METTL24: variants seen among roughly 807,000 people sequenced by gnomAD.
METTL24 encodes the protein probable methyltransferase-like protein 24.
A neutral mutation model predicts 32.7 loss-of-function variants in METTL24; 29 were observed. The ratio of observed to expected loss-of-function variants is 0.89; its 90% CI spans 0.66 to 1.21. The LOEUF is 1.21. Ranked by LOEUF, METTL24 falls within the 50% of genes most tolerant of loss-of-function variation. METTL24 has a pLI of 0.00. For missense variants in METTL24, 439 were observed against 468.1 expected, an observed-to-expected ratio of 0.94 and a Z score of 0.57; for synonymous variants, 163 against 179.5, an observed-to-expected ratio of 0.91 and a Z score of 0.73.
intron 4 of METTL24, among the ~76,000 whole-genome samples, chr6:110,284,997 C>A (rs1771195626): frequency 6.6e-6 from 1 of 152,202 alleles, no homozygotes; most frequent in African/African-American, 2.4e-5. Flanking sequence ...TGTTATGAAG[C>A]TGCATCATGT....
rs150827826 is a variant in METTL24 at position 110,291,501 on chromosome 6, T to C, written c.786+7421A>G. On this transcript the variant is annotated intron_variant, in intron 4 of 4. Coordinates refer to ENST00000338882, the MANE Select transcript of METTL24 (RefSeq NM_001123364.3). ...GATGCCTTTATAAAAATCAATTAAT[T>C]ATATACGTGTTTCTCTTTTTTTTCT... Among the ~76,000 whole-genome samples, 4 of 152,302 alleles carry C rather than the reference T, an allele frequency of 2.6e-5. No homozygotes were observed. The East Asian group carries it at 5.8e-4, about 22-fold the overall frequency.
At chr6:110,253,700 A>G (rs969948401) in intron 4 of METTL24, among the ~76,000 whole-genome samples, 12 of 152,226 alleles carry the variant, frequency 7.9e-5, no homozygotes, top group Non-Finnish European at 1.8e-4. Flanking sequence ...TCTTTGCTGT[A>G]AACACACACG....
chr6:110,265,256 C>A (rs538945179), intron 4 of METTL24, among the ~76,000 whole-genome samples: 2 of 152,288 alleles, frequency 1.3e-5, no homozygotes, highest in East Asian at 3.9e-4. Context: ...CAGAAAAGCA[C>A]AACTGGTGTT....
intron 4 of METTL24, among the ~76,000 whole-genome samples, chr6:110,276,296 C>A (rs752712102): frequency 3.9e-5 from 6 of 151,972 alleles, no homozygotes; most frequent in Non-Finnish European, 5.9e-5. Flanking sequence ...ATAAATAAAT[C>A]AAAAATTAGC....
At chr6:110,300,414 G>A (rs6931810) in intron 3 of METTL24, among the ~76,000 whole-genome samples, 2,737 of 147,522 alleles carry the variant, frequency 0.019, 87 homozygotes, top group African/African-American at 0.067. Flanking sequence ...ATCATCCACC[G>A]AGACATGCTT....
intron 4 of METTL24, among the ~76,000 whole-genome samples, chr6:110,264,132 A>C (rs550378825): frequency 0.067 from 10,150 of 150,720 alleles, 500 homozygotes; most frequent in African/African-American, 0.15. Context: ...GGATCTAATT[A>C]AACTAAAGAG....
intron 1 of METTL24, among the ~76,000 whole-genome samples, chr6:110,324,082 A>T (rs1289959951): frequency 1.3e-5 from 2 of 152,144 alleles, no homozygotes; most frequent in African/African-American, 4.8e-5. Context: ...GGTTACATAG[A>T]AAACAGGAAA....
At chr6:110,280,655 T>C (rs551030042) in intron 4 of METTL24, among the ~76,000 whole-genome samples, 1 of 152,016 alleles carries the variant, frequency 6.6e-6, no homozygotes, top group Middle Eastern at 3.4e-3. Flanking sequence ...ATTTCTTTTT[T>C]TTTTTTCTTT....
intron 1 of METTL24, among the ~76,000 whole-genome samples, chr6:110,340,978 A>G (rs1342446805): frequency 6.6e-6 from 1 of 151,918 alleles, no homozygotes; most frequent in Non-Finnish European, 1.5e-5. Context: ...CCCTTACCCT[A>G]CTTCTCACAT....
intron 4 of METTL24, among the ~76,000 whole-genome samples, chr6:110,293,364 C>G (rs974435240): frequency 3.3e-5 from 5 of 151,728 alleles, no homozygotes; most frequent in Admixed American, 3.3e-4. Context: ...ACTTTGCTTC[C>G]TTTTTATATT....
intron 1 of METTL24, among the ~76,000 whole-genome samples, chr6:110,343,054 A>C (rs1772391377): frequency 6.6e-6 from 1 of 152,170 alleles, no homozygotes; most frequent in African/African-American, 2.4e-5. Context: ...CAGTTGTCTT[A>C]GGTATATACC....
chr6:110,258,349 T>C (rs545671221), intron 4 of METTL24, among the ~76,000 whole-genome samples: 6 of 152,300 alleles, frequency 3.9e-5, no homozygotes, highest in Admixed American at 1.3e-4. Flanking sequence ...GCAGATGAAA[T>C]TGAAAACAGT....
At chr6:110,259,868 C>T (rs1194368679) in intron 4 of METTL24, among the ~76,000 whole-genome samples, 1 of 152,176 alleles carries the variant, frequency 6.6e-6, no homozygotes, top group Non-Finnish European at 1.5e-5. Flanking sequence ...CTGGAGTAGA[C>T]CTCTGGCAAA....
chr6:110,281,667 C>CG (rs1166901770), intron 4 of METTL24, among the ~76,000 whole-genome samples: 2 of 150,464 alleles, frequency 1.3e-5, no homozygotes, highest in African/African-American at 2.4e-5. Flanking sequence ...AAAAAAGGAG[C>CG]GGGGGGAGTA....
intron 1 of METTL24, among the ~76,000 whole-genome samples, chr6:110,327,867 T>TA (rs1772043621): frequency 6.6e-6 from 1 of 152,200 alleles, no homozygotes; most frequent in Non-Finnish European, 1.5e-5. Flanking sequence ...CAGGGTACAT[T>TA]AAATGCCTAT....
At chr6:110,265,235 C>T (rs1441352839) in intron 4 of METTL24, among the ~76,000 whole-genome samples, 1 of 152,042 alleles carries the variant, frequency 6.6e-6, no homozygotes, top group African/African-American at 2.4e-5. Context: ...TCTCTCTGCA[C>T]CAGGAGTGCC....
At chr6:110,323,734 C>T (rs570342113) in intron 1 of METTL24, among the ~76,000 whole-genome samples, 2 of 151,804 alleles carry the variant, frequency 1.3e-5, no homozygotes, top group South Asian at 2.1e-4. Flanking sequence ...GGGGACGGCT[C>T]GTGCAGGGTA....
At chr6:110,297,505 T>G (rs1294186885) in intron 4 of METTL24, among the ~76,000 whole-genome samples, 1 of 152,122 alleles carries the variant, frequency 6.6e-6, no homozygotes, top group African/African-American at 2.4e-5. Flanking sequence ...GTAAAGAGCA[T>G]AAAGCAGGAA....
At chr6:110,253,222 A>G (rs1778316834) in intron 4 of METTL24, among the ~76,000 whole-genome samples, 1 of 152,148 alleles carries the variant, frequency 6.6e-6, no homozygotes, top group South Asian at 2.1e-4. Flanking sequence ...GTCCTGAGTC[A>G]ATAGGAATAG....
Sources: allele counts gnomAD v4.1 joint callset (sites outside exome capture counted in the v4.1 genomes callset), GRCh38; gene constraint gnomAD v4.1.1; transcripts MANE v1.5; gene names NCBI Gene and HGNC (gene_info 2026-07-23, HGNC 2026-07-21).